PATJ: variants seen among roughly 807,000 people sequenced by gnomAD.
PATJ encodes PATJ crumbs cell polarity complex component.
PATJ carries 190 observed loss-of-function variants against 224.9 expected under a neutral mutation model. The ratio of observed to expected loss-of-function variants is 0.84; its 90% CI spans 0.75 to 0.95. The LOEUF (loss-of-function observed/expected upper bound fraction) is 0.95. Ranked by LOEUF, PATJ falls within the 40% of genes least tolerant of loss-of-function variation. The pLI is 0.00. For missense variants in PATJ, 2,121 were observed against 2,270.3 expected, an observed-to-expected ratio of 0.93 and a Z score of 1.34; for synonymous variants, 769 against 820.3, an observed-to-expected ratio of 0.94 and a Z score of 1.07.
intron 20 of PATJ, among the ~76,000 whole-genome samples, chr1:61,871,129 C>T (rs1439850425): frequency 2.6e-4 from 19 of 73,134 alleles, no homozygotes; most frequent in East Asian, 4.8e-4. Flanking sequence ...ATTCTATGTT[C>T]TTATTTTCTT....
intron 31 of PATJ, among the ~76,000 whole-genome samples, chr1:62,066,527 G>A (rs987428333): frequency 3.3e-5 from 5 of 152,030 alleles, no homozygotes; most frequent in African/African-American, 7.2e-5. Flanking sequence ...GAGATTACAG[G>A]CAGGAGACAC....
chr1:61,947,945 C>G (rs1351795580), intron 27 of PATJ, among the ~76,000 whole-genome samples: 2 of 151,998 alleles, frequency 1.3e-5, no homozygotes, highest in African/African-American at 4.8e-5. Flanking sequence ...ACAAACCTGA[C>G]AAAAACATGA....
At chr1:61,953,772 A>G (rs1680053335) in intron 27 of PATJ, among the ~76,000 whole-genome samples, 1 of 152,172 alleles carries the variant, frequency 6.6e-6, no homozygotes, top group South Asian at 2.1e-4. Context: ...TATTTTAGGA[A>G]ATTTCTTGAT....
intron 27 of PATJ, among the ~76,000 whole-genome samples, chr1:61,967,855 C>T (rs1405455564): frequency 6.6e-6 from 1 of 152,058 alleles, no homozygotes; most frequent in Non-Finnish European, 1.5e-5. Context: ...TCTCGTTTAT[C>T]TTTTATCTTG....
intron 28 of PATJ, among the ~76,000 whole-genome samples, chr1:61,993,432 T>G (rs1440270907): frequency 6.6e-6 from 1 of 152,094 alleles, no homozygotes; most frequent in African/African-American, 2.4e-5. Flanking sequence ...TATTAAGGCT[T>G]CATCATGTAG....
At chr1:62,040,076 A>G (rs1651179066) in intron 30 of PATJ, among the ~76,000 whole-genome samples, 1 of 151,576 alleles carries the variant, frequency 6.6e-6, no homozygotes, top group Non-Finnish European at 1.5e-5. Flanking sequence ...AGGGGAGGTA[A>G]AAGGCGATAC....
At chr1:61,855,971 A>G (rs1370303732) in intron 17 of PATJ, 59 bp from the exon 18 acceptor site, 27 of 1,281,138 alleles carry the variant, frequency 2.1e-5, no homozygotes, top group African/African-American at 2.9e-5. Flanking sequence ...AAGCTGTCCT[A>G]AGGCTGCATA....
intron 17 of PATJ, among the ~76,000 whole-genome samples, chr1:61,837,724 A>C (rs1466922153): frequency 7.0e-6 from 1 of 143,382 alleles, no homozygotes; most frequent in African/African-American, 2.6e-5. Flanking sequence ...TGGGAGGCGG[A>C]GGTTACGGTG....
At chr1:61,973,680 T>C (rs1405750960) in intron 27 of PATJ, among the ~76,000 whole-genome samples, 1 of 152,022 alleles carries the variant, frequency 6.6e-6, no homozygotes, top group Non-Finnish European at 1.5e-5. Context: ...TCTACTGCAC[T>C]GTAACCATAG....
At chr1:61,947,529 G>A (rs1678931186) in intron 27 of PATJ, among the ~76,000 whole-genome samples, 1 of 152,094 alleles carries the variant, frequency 6.6e-6, no homozygotes, top group Non-Finnish European at 1.5e-5. Context: ...ACCTCTTCAA[G>A]GAGAACTACA....
chr1:61,913,967 T>C (rs1673059292), intron 25 of PATJ, among the ~76,000 whole-genome samples: 1 of 152,230 alleles, frequency 6.6e-6, no homozygotes, highest in South Asian at 2.1e-4. Flanking sequence ...CGTCTTCAGC[T>C]TCTGGATCTA....
At chr1:62,146,164 GGT>G (rs895603052) in intron 41 of PATJ, among the ~76,000 whole-genome samples, 8 of 152,010 alleles carry the variant, frequency 5.3e-5, no homozygotes, top group African/African-American at 1.9e-4. Flanking sequence ...AAGGCACAGC[GGT>G]TAAAGTGCTG....
chr1:61,904,833 A>G (rs1671648376), intron 24 of PATJ, among the ~76,000 whole-genome samples: 1 of 152,244 alleles, frequency 6.6e-6, no homozygotes, highest in African/African-American at 2.4e-5. Flanking sequence ...CAATTGTCTT[A>G]TAAATGCAAT....
chr1:61,953,861 T>A (rs1374539647), intron 27 of PATJ, among the ~76,000 whole-genome samples: 1 of 152,226 alleles, frequency 6.6e-6, no homozygotes, highest in Non-Finnish European at 1.5e-5. Context: ...CTGATCATTT[T>A]CTTAATCTCT....
chr1:61,966,371 G>A (rs567707773), intron 27 of PATJ, among the ~76,000 whole-genome samples: 2 of 152,290 alleles, frequency 1.3e-5, no homozygotes, highest in African/African-American at 2.4e-5. Flanking sequence ...CTCGCGCCAA[G>A]GCGAGTCCAT....
At position 62,123,078 on chromosome 1, in the gene PATJ, G is replaced by C. The variant is rs1034377657; in HGVS notation, c.5043+20G>C. ...AACAGGGTAAGTCAGTCATTTTGCT[G>C]TATGTATTTTTCTGGTTTGTGTTGG... On this transcript the variant is annotated intron_variant, in intron 39 of 43. Coordinates refer to ENST00000642238, the MANE Select transcript of PATJ (RefSeq NM_001350145.3). The C allele has an allele frequency of 6.3e-7, 1 of 1,576,274 alleles. No homozygotes were observed. The highest frequency in any genetic ancestry group is 8.7e-7 in the Non-Finnish European group (1 of 1,151,618).
intron 27 of PATJ, among the ~76,000 whole-genome samples, chr1:61,963,851 CT>C (rs1167138512): frequency 3.3e-5 from 5 of 152,034 alleles, no homozygotes; most frequent in African/African-American, 9.7e-5. Flanking sequence ...CACATTATCC[CT>C]TTTTACAATT....
intron 20 of PATJ, among the ~76,000 whole-genome samples, chr1:61,871,558 T>TATATATATA (rs1491327906): frequency 5.6e-4 from 7 of 12,532 alleles, no homozygotes; most frequent in South Asian, 2.9e-3. Flanking sequence ...TATATATATA[T>TATATATATA]TTTTTTTTTT....
At chr1:61,767,270 G>T (rs942606221) in intron 4 of PATJ, among the ~76,000 whole-genome samples, 3 of 152,102 alleles carry the variant, frequency 2.0e-5, no homozygotes, top group African/African-American at 7.2e-5. Context: ...TTTGAATGTG[G>T]TAGCTTATAT....
Sources: gnomAD v4.1 joint callset for allele counts (sites outside exome capture counted in the v4.1 genomes callset) on GRCh38, gnomAD v4.1.1 for gene constraint, MANE v1.5 for transcripts, NCBI Gene and HGNC (gene_info 2026-07-23, HGNC 2026-07-21) for gene names.